LRP1B: variants seen among roughly 807,000 people sequenced by gnomAD.
LRP1B encodes the protein LDL receptor related protein 1B, also known as low-density lipoprotein receptor-related protein 1B.
LRP1B carries 217 observed loss-of-function variants against 556.6 expected under a neutral mutation model. The observed-to-expected ratio is 0.39, with a 90% CI of 0.35 to 0.44. LRP1B has a LOEUF of 0.44. LRP1B is among the 20% of genes least tolerant of loss of function. The pLI is 1.00. For synonymous variants in LRP1B, 2,047 were observed against 1,865.8 expected, an observed-to-expected ratio of 1.10 and a Z score of -2.50; for missense variants, 5,053 against 5,620.8, an observed-to-expected ratio of 0.90 and a Z score of 3.23.
chr2:142,005,567 GA>G (rs1702774863), intron 1 of LRP1B, among the ~76,000 whole-genome samples: 1 of 152,050 alleles, frequency 6.6e-6, no homozygotes, highest in South Asian at 2.1e-4. Flanking sequence ...GTTACTTTGA[GA>G]AAGAATTCAT....
intron 2 of LRP1B, among the ~76,000 whole-genome samples, chr2:141,567,548 GA>G (rs1686376125): frequency 6.6e-6 from 1 of 151,888 alleles, no homozygotes. Flanking sequence ...TTTGACCAAG[GA>G]AAAGTATTTG....
chr2:140,570,291 T>C (rs1421644334), intron 43 of LRP1B, among the ~76,000 whole-genome samples: 1 of 149,330 alleles, frequency 6.7e-6, no homozygotes, highest in Admixed American at 6.7e-5. Context: ...TTATCTAGGG[T>C]AACCAGGAAA....
At chr2:141,303,959 T>A (rs1192202702) in intron 3 of LRP1B, among the ~76,000 whole-genome samples, 2 of 152,158 alleles carry the variant, frequency 1.3e-5, no homozygotes, top group Non-Finnish European at 2.9e-5. Flanking sequence ...CCATTCTAAT[T>A]GGGGGAAAGA....
chr2:140,473,774 A>T (rs1164929925), intron 60 of LRP1B, among the ~76,000 whole-genome samples: 1 of 151,930 alleles, frequency 6.6e-6, no homozygotes, highest in Non-Finnish European at 1.5e-5. Flanking sequence ...AGCACTTTAT[A>T]TGGAGGCTAA....
intron 35 of LRP1B, among the ~76,000 whole-genome samples, chr2:140,744,443 T>C (rs1238460875): frequency 1.3e-5 from 2 of 152,178 alleles, no homozygotes; most frequent in Non-Finnish European, 2.9e-5. Flanking sequence ...ATTGTATTCT[T>C]GCTTCCAAGT....
intron 2 of LRP1B, among the ~76,000 whole-genome samples, chr2:141,533,824 G>T (rs930951468): frequency 2.0e-5 from 3 of 152,064 alleles, no homozygotes; most frequent in Non-Finnish European, 4.4e-5. Context: ...GTTGTTAATG[G>T]CATCCCTATC....
chr2:140,663,924 G>GGTAGGTTATTAA (rs1685180822), intron 41 of LRP1B, among the ~76,000 whole-genome samples: 2 of 152,126 alleles, frequency 1.3e-5, no homozygotes, highest in African/African-American at 4.8e-5. Context: ...ACTTGAGACT[G>GGTAGGTTATTAA]CTGTAGGTTA....
intron 3 of LRP1B, among the ~76,000 whole-genome samples, chr2:141,441,566 TTTTC>T (rs1680969722): frequency 6.6e-6 from 1 of 152,198 alleles, no homozygotes; most frequent in African/African-American, 2.4e-5. Flanking sequence ...GGTTTGTGTG[TTTTC>T]TTTTTTAAAA....
intron 41 of LRP1B, among the ~76,000 whole-genome samples, chr2:140,610,908 A>T (rs1683049765): frequency 6.6e-6 from 1 of 152,260 alleles, no homozygotes; most frequent in African/African-American, 2.4e-5. Flanking sequence ...TCTGAAATAC[A>T]GAGATAGTAA....
chr2:141,273,799 C>G (rs377153463), intron 3 of LRP1B, among the ~76,000 whole-genome samples: 1 of 152,094 alleles, frequency 6.6e-6, no homozygotes, highest in Non-Finnish European at 1.5e-5. Flanking sequence ...TCATACAATG[C>G]GAGAAAACAT....
intron 3 of LRP1B, among the ~76,000 whole-genome samples, chr2:141,353,682 A>G (rs1252732269): frequency 6.6e-6 from 1 of 151,946 alleles, no homozygotes; most frequent in Non-Finnish European, 1.5e-5. Context: ...CCTTGGACAT[A>G]CAAGTTTTTG....
At chr2:140,297,066 A>G (rs1276220181) in intron 84 of LRP1B, among the ~76,000 whole-genome samples, 1 of 152,146 alleles carries the variant, frequency 6.6e-6, no homozygotes, top group African/African-American at 2.4e-5. Flanking sequence ...ATGTGTTCAT[A>G]AGTAGCCAAG....
intron 66 of LRP1B, among the ~76,000 whole-genome samples, chr2:140,405,431 T>C (rs1684687957): frequency 6.6e-6 from 1 of 152,022 alleles, no homozygotes; most frequent in African/African-American, 2.4e-5. Flanking sequence ...GCTGGTTCTT[T>C]GAAAAGATAA....
chr2:141,983,295 C>T (rs1254199103), intron 1 of LRP1B, among the ~76,000 whole-genome samples: 3 of 152,174 alleles, frequency 2.0e-5, no homozygotes, highest in African/African-American at 4.8e-5. Flanking sequence ...CCGCTACAGA[C>T]TCTCACTCCC....
At chr2:141,632,983 A>G (rs1688970483) in intron 2 of LRP1B, among the ~76,000 whole-genome samples, 1 of 151,934 alleles carries the variant, frequency 6.6e-6, no homozygotes, top group South Asian at 2.1e-4. Context: ...TATGTTCTGG[A>G]TTTAATGAAG....
Position 140,716,860 on chromosome 2 carries a change from A to G in LRP1B, c.5759-44T>C, listed in dbSNP as rs757507931. The G allele has an allele frequency of 9.2e-6, 11 of 1,192,500 alleles. No homozygotes were observed. The African/African-American group carries it at 1.5e-4, about 16-fold the overall frequency. The allele number at this position is 1,192,500 out of a possible 1,614,324, so 73.9% of individuals were successfully genotyped here. ...AAAAAAATACATATACACACACTGT[A>G]AAAGGTATCAATATCGGTGTTAGGA... On this transcript the variant is annotated intron_variant, in intron 35 of 90. Coordinates refer to ENST00000389484, the MANE Select transcript of LRP1B (RefSeq NM_018557.3).
chr2:142,019,282 G>A (rs1417119437), intron 1 of LRP1B, among the ~76,000 whole-genome samples: 1 of 152,144 alleles, frequency 6.6e-6, no homozygotes, highest in Non-Finnish European at 1.5e-5. Context: ...TATGGTGTGT[G>A]AGCCTACGTT....
chr2:140,575,053 G>C (rs1457867211), intron 43 of LRP1B, among the ~76,000 whole-genome samples: 1 of 152,114 alleles, frequency 6.6e-6, no homozygotes, highest in Non-Finnish European at 1.5e-5. Context: ...CTGATACCTA[G>C]CTATGGATGG....
chr2:141,322,507 C>T (rs1687277395), intron 3 of LRP1B, among the ~76,000 whole-genome samples: 2 of 152,008 alleles, frequency 1.3e-5, no homozygotes, highest in Admixed American at 1.3e-4. Flanking sequence ...GGATTACATT[C>T]CCTTTTTGAA....
Sources: gnomAD v4.1 joint callset for allele counts (sites outside exome capture counted in the v4.1 genomes callset) on GRCh38, gnomAD v4.1.1 for gene constraint, MANE v1.5 for transcripts, NCBI Gene and HGNC (gene_info 2026-07-23, HGNC 2026-07-21) for gene names.